ESRRG: variants seen among roughly 807,000 people sequenced by gnomAD.
ESRRG encodes the protein estrogen related receptor gamma, also known as estrogen-related receptor gamma.
ESRRG carries 13 observed loss-of-function variants against 44.0 expected under a neutral mutation model. The ratio of observed to expected loss-of-function variants is 0.30; its 90% CI spans 0.19 to 0.47. ESRRG has a LOEUF of 0.47. Ranked by LOEUF, ESRRG falls within the 20% of genes least tolerant of loss-of-function variation. The probability of loss-of-function intolerance (pLI) is 1.00; values close to 1 mark genes in which losing one functional copy is unlikely to be tolerated. For synonymous variants in ESRRG, 215 were observed against 214.6 expected (o/e 1.00, Z -0.02); for missense variants, 395 against 580.6 (o/e 0.68, Z 3.29).
intron 1 of ESRRG, among the ~76,000 whole-genome samples, chr1:217,067,029 C>T (rs2089835155): frequency 6.6e-6 from 1 of 152,218 alleles, no homozygotes; most frequent in Non-Finnish European, 1.5e-5. Context: ...CAGTGAGATG[C>T]TTGGCACTAA....
intron 2 of ESRRG, among the ~76,000 whole-genome samples, chr1:216,875,109 C>T (rs1559947462): frequency 6.6e-6 from 1 of 152,178 alleles, no homozygotes; most frequent in Non-Finnish European, 1.5e-5. Flanking sequence ...TCATGTGAGT[C>T]AATTCTCCTT....
intron 2 of ESRRG, among the ~76,000 whole-genome samples, chr1:216,748,801 T>C (rs1347639834): frequency 6.6e-6 from 1 of 152,128 alleles, no homozygotes; most frequent in Non-Finnish European, 1.5e-5. Context: ...AGTTCACATC[T>C]GAGTGCAGTG....
chr1:216,823,703 C>T (rs1019638168), intron 2 of ESRRG, among the ~76,000 whole-genome samples: 5 of 152,156 alleles, frequency 3.3e-5, no homozygotes, highest in African/African-American at 9.6e-5. Context: ...TGTTTATCTT[C>T]TCATTTCAGA....
chr1:216,791,175 C>G lies in ESRRG; in HGVS notation c.-13-113684G>C, dbSNP rs891720173. ...TGTAATCCCCAGTGCTGGAAGGGAG[C>G]CTGGTGGGAGATGTTTGGATCATGG... On this transcript the variant is annotated intron_variant, in intron 2 of 7. Transcript: ENST00000359162. Among the ~76,000 whole-genome samples, 4 of 152,228 alleles carry G rather than the reference C, an allele frequency of 2.6e-5. No homozygotes were observed. In the East Asian group the frequency reaches 7.7e-4, roughly 29 times the overall value.
At chr1:216,597,284 C>T (rs887165335) in intron 3 of ESRRG, among the ~76,000 whole-genome samples, 15 of 152,122 alleles carry the variant, frequency 9.9e-5, no homozygotes, top group African/African-American at 3.6e-4. Flanking sequence ...AAAATAATTA[C>T]AGCCGTATAA....
At chr1:216,668,169 C>T (rs940485665) in intron 2 of ESRRG, among the ~76,000 whole-genome samples, 6 of 152,132 alleles carry the variant, frequency 3.9e-5, no homozygotes, top group Non-Finnish European at 7.3e-5. Context: ...ATCACTTCTT[C>T]CAGATCACTG....
At chr1:216,935,996 G>A (rs910305076) in intron 2 of ESRRG, among the ~76,000 whole-genome samples, 2 of 151,996 alleles carry the variant, frequency 1.3e-5, no homozygotes, top group African/African-American at 4.8e-5. Flanking sequence ...TCCCCTTCCT[G>A]GAGGATGAGG....
chr1:216,703,658 G>C (rs1345431157), intron 1 of ESRRG, among the ~76,000 whole-genome samples: 1 of 66,578 alleles, frequency 1.5e-5, no homozygotes, highest in Non-Finnish European at 2.7e-5. Context: ...AAGCTGGATA[G>C]ATGTGTGTGT....
chr1:216,565,478 C>T (rs2059526684), intron 4 of ESRRG, among the ~76,000 whole-genome samples: 1 of 152,164 alleles, frequency 6.6e-6, no homozygotes, highest in Admixed American at 6.6e-5. Context: ...GACTCTTTGC[C>T]TCTCGCTCTA....
intron 5 of ESRRG, among the ~76,000 whole-genome samples, chr1:216,556,131 A>C (rs2057497278): frequency 6.6e-6 from 1 of 152,172 alleles, no homozygotes; most frequent in Non-Finnish European, 1.5e-5. Context: ...TTTCTCACAA[A>C]ACCACGAGGC....
At chr1:217,020,221 G>T (rs1407291383) in intron 1 of ESRRG, among the ~76,000 whole-genome samples, 2 of 152,164 alleles carry the variant, frequency 1.3e-5, no homozygotes, top group African/African-American at 4.8e-5. Flanking sequence ...ACTAAGGAGA[G>T]CCGATATCAC....
chr1:217,085,146 GA>G (rs1267039537), intron 1 of ESRRG, among the ~76,000 whole-genome samples: 4 of 144,372 alleles, frequency 2.8e-5, no homozygotes, highest in South Asian at 2.2e-4. Context: ...CCAAGAAAAA[GA>G]AAACTTCCTT....
intron 1 of ESRRG, among the ~76,000 whole-genome samples, chr1:216,971,497 C>G (rs1229823724): frequency 6.6e-6 from 1 of 152,134 alleles, no homozygotes; most frequent in Admixed American, 6.6e-5. Flanking sequence ...TGATATAAAA[C>G]AGAAAAGCCA....
chr1:216,759,360 C>T (rs2092642009), intron 2 of ESRRG, among the ~76,000 whole-genome samples: 1 of 152,064 alleles, frequency 6.6e-6, no homozygotes, highest in Non-Finnish European at 1.5e-5. Flanking sequence ...CTGACTTAGT[C>T]TCCCCAGGTG....
intron 1 of ESRRG, among the ~76,000 whole-genome samples, chr1:217,005,073 AG>A (rs1205200024): frequency 1.3e-5 from 2 of 152,220 alleles, no homozygotes; most frequent in African/African-American, 4.8e-5. Context: ...GTTGTCAAAA[AG>A]GGAGAGGTGA....
intron 1 of ESRRG, among the ~76,000 whole-genome samples, chr1:217,007,141 A>T (rs1343888639): frequency 6.6e-6 from 1 of 152,166 alleles, no homozygotes; most frequent in Admixed American, 6.6e-5. Context: ...CAATGAGAGC[A>T]AAAGGAATAT....
intron 5 of ESRRG, among the ~76,000 whole-genome samples, chr1:216,548,358 C>T (rs2055202096): frequency 1.3e-5 from 2 of 152,046 alleles, no homozygotes; most frequent in Admixed American, 1.3e-4. Context: ...AGCCTCTTGG[C>T]TTGGTCTATA....
At chr1:216,956,354 T>C (rs1258647513) in intron 1 of ESRRG, among the ~76,000 whole-genome samples, 1 of 152,154 alleles carries the variant, frequency 6.6e-6, no homozygotes, top group East Asian at 1.9e-4. Flanking sequence ...CTAAACTCTT[T>C]CTTTCTCTAA....
intron 1 of ESRRG, among the ~76,000 whole-genome samples, chr1:217,096,619 CAT>C (rs1388678572): frequency 1.9e-5 from 2 of 107,566 alleles, no homozygotes; most frequent in Non-Finnish European, 3.9e-5. Flanking sequence ...AACCCAATCA[CAT>C]GTTTAAAAAG....
Sources: allele counts gnomAD v4.1 joint callset (sites outside exome capture counted in the v4.1 genomes callset), GRCh38; gene constraint gnomAD v4.1.1; transcripts MANE v1.5; gene names NCBI Gene and HGNC (gene_info 2026-07-23, HGNC 2026-07-21).